Variants in KDM6A observed in about 807,000 individuals in gnomAD.
KDM6A encodes lysine-specific demethylase 6A.
A neutral mutation model predicts 117.6 loss-of-function variants in KDM6A; 11 were observed. The ratio of observed to expected loss-of-function variants is 0.09; its 90% CI spans 0.06 to 0.15. The LOEUF is 0.15. Among genes scored for constraint, KDM6A ranks in the 10% least tolerant of loss-of-function variants. The pLI is 1.00. For missense variants in KDM6A, 799 were observed against 1,077.3 expected (o/e 0.74, Z 3.62); for synonymous variants, 384 against 396.1 (o/e 0.97, Z 0.36).
intron 8 of KDM6A, among the ~76,000 whole-genome samples, chrX:45,042,070 C>T (rs930363387): frequency 4.6e-5 from 5 of 109,840 alleles, no homozygotes; most frequent in Non-Finnish European, 7.6e-5. Context: ...GTCAACACAG[C>T]AAAACCCCCT....
intron 4 of KDM6A, among the ~76,000 whole-genome samples, chrX:44,982,554 G>T (rs6520994): frequency 0.22 from 24,191 of 111,342 alleles, 4,330 homozygotes; most frequent in African/African-American, 0.61. Flanking sequence ...TTGCACCTAA[G>T]ATTCAGTTTG....
chrX:44,880,730 T>A (rs1008784397), intron 2 of KDM6A, among the ~76,000 whole-genome samples: 1 of 110,179 alleles, frequency 9.1e-6, no homozygotes, highest in Non-Finnish European at 1.9e-5. Context: ...AGGCGGAGGT[T>A]GCAGTGAGCC....
intron 2 of KDM6A, among the ~76,000 whole-genome samples, chrX:44,922,125 C>T (rs780307863): frequency 3.2e-5 from 3 of 94,544 alleles, no homozygotes; most frequent in African/African-American, 1.2e-4. Flanking sequence ...TCACTGCAGC[C>T]TCTGCCTCCC....
At chrX:44,992,712 G>A (rs952296280) in intron 4 of KDM6A, among the ~76,000 whole-genome samples, 9 of 108,081 alleles carry the variant, frequency 8.3e-5, no homozygotes, top group African/African-American at 1.0e-4. Context: ...TACCATGCCC[G>A]GCTCATTTTT....
intron 5 of KDM6A, among the ~76,000 whole-genome samples, chrX:45,014,685 C>T (rs960090274): frequency 3.6e-5 from 4 of 111,299 alleles, no homozygotes; most frequent in African/African-American, 6.5e-5. Flanking sequence ...AAGTGAAATA[C>T]AAAGCAAGGA....
rs2044882686 is a variant in KDM6A at position 45,072,214 on chromosome X, C to G, written c.2858+1857C>G. 2.7e-5 allele frequency among the ~76,000 whole-genome samples: 3 copies of G among 110,100 alleles called. No individual in the cohort carries two copies. The South Asian group carries it at 1.1e-3, about 41-fold the overall frequency. On this transcript the variant is annotated intron_variant, in intron 18 of 29. Transcript: ENST00000611820. ...ATCCTTTTTTATATTTTATTTTTTT[C>G]TTTATTGGGTCCACGTTGTTGGCAG...
chrX:44,941,421 A>G (rs1014788288), intron 2 of KDM6A, among the ~76,000 whole-genome samples: 8 of 110,314 alleles, frequency 7.3e-5, no homozygotes, highest in Non-Finnish European at 1.3e-4. Flanking sequence ...AGGCAATGCA[A>G]GATTCTTAGA....
At chrX:45,042,266 GA>G (rs1459415887) in intron 8 of KDM6A, among the ~76,000 whole-genome samples, 784 of 23,588 alleles carry the variant, frequency 0.033, 86 homozygotes, top group African/African-American at 0.18. Flanking sequence ...AGGGAGAGGG[GA>G]GAGGGGAGAG....
intron 6 of KDM6A, among the ~76,000 whole-genome samples, chrX:45,033,646 C>T (rs924302363): frequency 2.7e-5 from 3 of 110,402 alleles, no homozygotes; most frequent in East Asian, 2.8e-4. Context: ...CTCTGCCTCC[C>T]GGGTTCAAGG....
chrX:45,052,758 G>A (rs761146726), intron 9 of KDM6A, among the ~76,000 whole-genome samples: 11 of 111,612 alleles, frequency 9.9e-5, no homozygotes, highest in Admixed American at 2.8e-4. Flanking sequence ...ATACAGTGTC[G>A]TGATCATAAC....
intron 2 of KDM6A, among the ~76,000 whole-genome samples, chrX:44,891,640 A>T (rs1169537946): frequency 8.9e-6 from 1 of 112,006 alleles, no homozygotes; most frequent in Non-Finnish European, 1.9e-5. Flanking sequence ...TACTTTCTGC[A>T]GAAAGGGTAC....
intron 3 of KDM6A, 130 bp downstream of exon 3, chrX:44,961,522 T>A: frequency 2.2e-6 from 1 of 461,758 alleles, no homozygotes; most frequent in Non-Finnish European, 3.7e-6. Flanking sequence ...GGAAGAAAAG[T>A]AGAGTAGATG....
chrX:44,969,456 T>C (rs6520991), intron 3 of KDM6A, among the ~76,000 whole-genome samples: 18,174 of 91,707 alleles, frequency 0.2, 3,809 homozygotes, highest in African/African-American at 0.59. Flanking sequence ...CTTGCTCTGT[T>C]GCCCAGGCTG....
rs371545390 is a variant in KDM6A, at chrX:45,102,586, C to T, written c.4035-4824C>T. Among the ~76,000 whole-genome samples, 6 of 111,520 alleles carry T rather than the reference C, an allele frequency of 5.4e-5. 1 individual carries two copies. In the East Asian group the frequency reaches 1.1e-3, roughly 21 times the overall value. ...TAATGGTATAGCCATAAAGACCAGTCCATAGTTAGCATTGATCCTAGTGAT... is the reference window on the plus strand; with the variant it reads ...TAATGGTATAGCCATAAAGACCAGTTCATAGTTAGCATTGATCCTAGTGAT... On this transcript the variant is annotated intron_variant, in intron 27 of 29. Coordinates refer to ENST00000611820, the MANE Select transcript of KDM6A (RefSeq NM_001291415.2).
At chrX:45,069,473 T>C (rs2044714187) in intron 17 of KDM6A, 106 bp from the exon 18 acceptor site, 1 of 752,691 alleles carries the variant, frequency 1.3e-6, no homozygotes. Flanking sequence ...AATTATCTTA[T>C]ACAGTTAGAT....
chrX:44,899,997 G>A (rs1048643705), intron 2 of KDM6A, among the ~76,000 whole-genome samples: 1 of 111,963 alleles, frequency 8.9e-6, no homozygotes, highest in Admixed American at 9.5e-5. Context: ...TAACTAGAAG[G>A]CTTACTTTTG....
intron 2 of KDM6A, among the ~76,000 whole-genome samples, chrX:44,956,294 G>A (rs2038318629): frequency 8.9e-6 from 1 of 112,051 alleles, no homozygotes; most frequent in Non-Finnish European, 1.9e-5. Context: ...AGACCTTGGT[G>A]AGCTGATTAT....
intron 4 of KDM6A, among the ~76,000 whole-genome samples, chrX:44,975,796 G>A (rs1280137359): frequency 8.9e-6 from 1 of 112,006 alleles, no homozygotes; most frequent in Admixed American, 9.5e-5. Context: ...GCCCACAGGT[G>A]TTTACACCAG....
At chrX:44,940,864 C>T (rs148885572) in intron 2 of KDM6A, among the ~76,000 whole-genome samples, 1,127 of 110,753 alleles carry the variant, frequency 0.01, 14 homozygotes, top group African/African-American at 0.035. Context: ...GGAGAAACCC[C>T]GTCTCTACTA....
Sources: gnomAD v4.1 joint callset for allele counts (sites outside exome capture counted in the v4.1 genomes callset) on GRCh38, gnomAD v4.1.1 for gene constraint, MANE v1.5 for transcripts, NCBI Gene and HGNC (gene_info 2026-07-23, HGNC 2026-07-21) for gene names.